MARF1: variants seen among roughly 807,000 people sequenced by gnomAD.
MARF1 encodes limkain-b1.
Under a neutral mutation model 168.2 loss-of-function variants are expected in MARF1, and 24 were observed. The observed-to-expected ratio is 0.14, with a 90% CI of 0.10 to 0.20. The LOEUF is 0.20. Ranked by LOEUF, MARF1 falls within the 10% of genes least tolerant of loss-of-function variation. MARF1 has a pLI of 1.00. For missense variants in MARF1, 1,744 were observed against 2,143.6 expected, an observed-to-expected ratio of 0.81 and a Z score of 3.68; for synonymous variants, 868 against 822.4, an observed-to-expected ratio of 1.06 and a Z score of -0.95.
chr16:15,616,525 A>G (rs1310827283), intron 15 of MARF1, among the ~76,000 whole-genome samples: 1 of 152,214 alleles, frequency 6.6e-6, no homozygotes, highest in Admixed American at 6.5e-5. Context: ...TCTAAAATGT[A>G]GCGCAAACAC....
intron 1 of MARF1, among the ~76,000 whole-genome samples, chr16:15,641,102 ATT>A (rs2035921879): frequency 6.6e-6 from 1 of 152,006 alleles, no homozygotes; most frequent in Non-Finnish European, 1.5e-5. Flanking sequence ...CTCTAAAAAA[ATT>A]TTTGTTTTCA....
At position 15,608,538 on chromosome 16, in the gene MARF1, G is replaced by T; in HGVS notation, c.3955-20C>A. The T allele has an allele frequency of 1.9e-6, 3 of 1,559,180 alleles. No individual in the cohort carries two copies. The highest frequency in any genetic ancestry group is 1.8e-6 in the Non-Finnish European group (2 of 1,132,278). ...CAATACCTTTGAAAACACACGGGGGGAGGAAAGGGAAAATAAACAAATCAC... is the reference window on the plus strand; with the variant it reads ...CAATACCTTTGAAAACACACGGGGGTAGGAAAGGGAAAATAAACAAATCAC... On this transcript the variant is annotated intron_variant, in intron 20 of 26. Coordinates refer to ENST00000396368, the MANE Select transcript of MARF1 (RefSeq NM_014647.4).
chr16:15,597,789 G>T (rs1468887868), intron 26 of MARF1, among the ~76,000 whole-genome samples: 3 of 152,188 alleles, frequency 2.0e-5, no homozygotes, highest in Non-Finnish European at 4.4e-5. Context: ...AAGGCACAAA[G>T]GCCACAACCC....
chr16:15,634,997 T>C lies in MARF1; in HGVS notation c.832-66A>G, dbSNP rs1051462932. 3 of 1,403,424 alleles carry C rather than the reference T, an allele frequency of 2.1e-6. No homozygotes were observed. The East Asian group carries it at 6.9e-5, about 32-fold the overall frequency. 86.9% of individuals were successfully genotyped at this position (1,403,424 alleles called of 1,614,324 possible). A position where few individuals can be genotyped will look rare whatever the true frequency, so the allele number is the denominator to read the frequency against. On this transcript the variant is annotated intron_variant, in intron 3 of 26. Coordinates refer to ENST00000396368, the MANE Select transcript of MARF1 (RefSeq NM_014647.4). ...CATCATTTCAGAAGCTGGAGTTATA[T>C]ACAACAACTGAAAATACACTCTAAG... is the stretch of plus-strand genomic sequence containing the variant.
At chr16:15,633,583 T>C (rs1234589194) in intron 5 of MARF1, 34 bp downstream of exon 5, 1 of 1,409,564 alleles carries the variant, frequency 7.1e-7, no homozygotes, top group Non-Finnish European at 9.8e-7. Flanking sequence ...ATTCCTCTAC[T>C]GTAGATTAAA....
chr16:15,616,863 T>C (rs2034091052), intron 15 of MARF1, 189 bp downstream of exon 15: 1 of 635,360 alleles, frequency 1.6e-6, no homozygotes, highest in South Asian at 2.0e-5. Flanking sequence ...ACCACTGTCC[T>C]ATATACAGTC....
chr16:15,598,133 C>T (rs1019644754), intron 26 of MARF1, among the ~76,000 whole-genome samples: 1 of 152,142 alleles, frequency 6.6e-6, no homozygotes, highest in African/African-American at 2.4e-5. Context: ...CTCCAGAGGC[C>T]AGGAGACACC....
At position 15,619,032 on chromosome 16, in the gene MARF1, T is replaced by C. The variant is rs116287064; in HGVS notation, c.2720+1419A>G. Among the ~76,000 whole-genome samples, 393 of 152,308 alleles carry C rather than the reference T, an allele frequency of 2.6e-3. 1 individual carries two copies. The highest frequency in any genetic ancestry group is 8.6e-3 in the African/African-American group (358 of 41,564). On this transcript the variant is annotated intron_variant, in intron 13 of 26. Transcript: ENST00000396368. ...GGCCCGTGCCTGTAATTCCAGCACT[T>C]TGGGAGGCCTAGGAGGGAGAATCAC...
chr16:15,612,762 C>T lies in MARF1; in HGVS notation c.3269G>A (p.Arg1090His), dbSNP rs1399440902. Reference protein sequence around the residue: ...PPPNTDPWLLRSKSPVGNPQL... With the variant: ...PPPNTDPWLLHSKSPVGNPQL... ...GGGGTTACCTACAGGACTCTTCGAA[C>T]GCAGAAGCCAAGGGTCTAGAAGAAA... Residue 1090 changes from arginine to histidine, a missense_variant, in exon 17 of 27, where the codon CGT becomes CAT. This residue lies in a region of MARF1 where 543 missense variants were observed against 742.1 expected (regional missense o/e 0.73). Coordinates refer to ENST00000396368, the MANE Select transcript of MARF1 (RefSeq NM_014647.4). The T allele has an allele frequency of 2.7e-5, 44 of 1,613,876 alleles. No individual in the cohort carries two copies. Among genetic ancestry groups the T allele is most frequent in the Non-Finnish European group, 3.6e-5 (43 of 1,179,966 alleles).
At position 15,620,478 on chromosome 16, in the gene MARF1, A is replaced by C; in HGVS notation, c.2693T>G (p.Phe898Cys). 6.2e-7 allele frequency: 1 copy of C among 1,613,080 alleles called. No individual in the cohort carries two copies. The highest frequency in any genetic ancestry group is 8.5e-7 in the Non-Finnish European group (1 of 1,179,226). Residue 898 changes from phenylalanine to cysteine, a missense_variant, in exon 13 of 27, where the codon TTT (phenylalanine) becomes TGT (cysteine). Phe to Cys is a radical substitution (Grantham distance 205). Transcript: ENST00000396368. Reference protein sequence around the residue: ...QDAPACCLPLFKFTDIYEKKF... With the variant: ...QDAPACCLPLCKFTDIYEKKF... ...TTTTTCATAGATATCTGTAAATTTA[A>C]ACAGAGGCAGGCAACAGGCAGGGGC...
intron 14 of MARF1, 44 bp from the exon 15 acceptor site, chr16:15,617,215 G>T (rs779924329): frequency 1.2e-6 from 2 of 1,611,788 alleles, no homozygotes; most frequent in Non-Finnish European, 1.7e-6. Context: ...TTCCGCAGGG[G>T]TCTAAGATGT....
intron 16 of MARF1, among the ~76,000 whole-genome samples, chr16:15,613,975 A>G (rs2151130029): frequency 6.6e-6 from 1 of 152,294 alleles, no homozygotes; most frequent in East Asian, 1.9e-4. Flanking sequence ...GGCAACAAGT[A>G]AAGTGTCGTT....
At chr16:15,639,439 C>T (rs776659884) in intron 1 of MARF1, 148 bp from the exon 2 acceptor site, 7 of 611,588 alleles carry the variant, frequency 1.1e-5, no homozygotes, top group Non-Finnish European at 1.6e-5. Context: ...CTCGCTCTGT[C>T]GCCCAGGCTG....
At chr16:15,623,880 T>C (rs973937007) in intron 10 of MARF1, among the ~76,000 whole-genome samples, 7 of 152,050 alleles carry the variant, frequency 4.6e-5, no homozygotes, top group South Asian at 2.1e-4. Context: ...GCTTTTTAGA[T>C]GTAATTTTAT....
intron 16 of MARF1, among the ~76,000 whole-genome samples, chr16:15,613,684 T>TAAATAAATAAACAAATAAATA (rs1555524005): frequency 2.1e-5 from 3 of 146,222 alleles, no homozygotes; most frequent in Non-Finnish European, 4.5e-5. Context: ...AATAAATAAA[T>TAAATAAATAAACAAATAAATA]AAATAAAATA....
chr16:15,636,647 G>C (rs1467693344), intron 2 of MARF1, among the ~76,000 whole-genome samples: 1 of 152,126 alleles, frequency 6.6e-6, no homozygotes, highest in Non-Finnish European at 1.5e-5. Context: ...CTTCCTTTTG[G>C]TAATTTCCCC....
At chr16:15,632,387 G>C (rs945097413) in intron 5 of MARF1, among the ~76,000 whole-genome samples, 6 of 152,018 alleles carry the variant, frequency 3.9e-5, no homozygotes, top group African/African-American at 1.4e-4. Flanking sequence ...TTTTGTTTTG[G>C]GCTTTTAGCA....
chr16:15,623,667 T>G (rs550641145), intron 10 of MARF1, among the ~76,000 whole-genome samples: 1 of 152,306 alleles, frequency 6.6e-6, no homozygotes, highest in South Asian at 2.1e-4. Flanking sequence ...CCAATTAATA[T>G]ATATTCTTCC....
chr16:15,610,917 C>T, intron 19 of MARF1, 58 bp downstream of exon 19: 4 of 1,543,618 alleles, frequency 2.6e-6, no homozygotes, highest in Non-Finnish European at 3.6e-6. Context: ...CCATGCCACA[C>T]TATGTTAAAA....
Sources: gnomAD v4.1 joint callset for allele counts (sites outside exome capture counted in the v4.1 genomes callset) on GRCh38, gnomAD v4.1.1 for gene constraint, gnomAD v4.1.1 regional missense constraint, MANE v1.5 for transcripts, NCBI Gene and HGNC (gene_info 2026-07-23, HGNC 2026-07-21) for gene names.